Variants in ANKRD17 observed in about 807,000 individuals in gnomAD.
ANKRD17 encodes the protein ankyrin repeat domain 17, also known as ankyrin repeat domain-containing protein 17.
In ANKRD17, 19 loss-of-function variants were observed where a neutral mutation model predicts 229.7. The observed-to-expected ratio is 0.08, with a 90% CI of 0.06 to 0.12. The LOEUF (loss-of-function observed/expected upper bound fraction) is 0.12. Among genes scored for constraint, ANKRD17 ranks in the 10% least tolerant of loss-of-function variants. ANKRD17 has a pLI of 1.00. For missense variants in ANKRD17, 2,176 were observed against 3,176.8 expected, an observed-to-expected ratio of 0.68 and a Z score of 7.57; for synonymous variants, 1,112 against 1,146.1, an observed-to-expected ratio of 0.97 and a Z score of 0.60.
At chr4:73,215,080 G>C (rs1008537602) in intron 1 of ANKRD17, among the ~76,000 whole-genome samples, 1 of 152,034 alleles carries the variant, frequency 6.6e-6, no homozygotes. Context: ...TAATTTGGCA[G>C]ACATTTTCTC....
At position 73,091,040 on chromosome 4, in the gene ANKRD17, T is replaced by C. The variant is rs148812473; in HGVS notation, c.6588A>G (p.Gln2196=). The part of the protein sequence containing the change: ...TAPHKNSASV[Q]NSSVAVLSVN... The stretch of plus-strand genomic sequence containing the variant: ...CACTGAGGACTGCAACAGATGAATT[T>C]TGCACTGAAGCTGAATTCTTGTGAG... The change falls in exon 29 of 34, where the codon CAA becomes CAG. Residue 2196 remains glutamine, a synonymous_variant. Transcript: ENST00000358602. The C allele has an allele frequency of 1.4e-3, 2,247 of 1,614,204 alleles. 16 individuals carry two copies. The highest frequency in any genetic ancestry group is 0.011 in the South Asian group (1,016 of 91,080).
At chr4:73,245,767 G>T (rs1236275948) in intron 1 of ANKRD17, among the ~76,000 whole-genome samples, 1 of 152,144 alleles carries the variant, frequency 6.6e-6, no homozygotes, top group Non-Finnish European at 1.5e-5. Flanking sequence ...AAGGGAGAGA[G>T]GAGCTAGCCT....
At chr4:73,246,019 C>A (rs1744467480) in intron 1 of ANKRD17, among the ~76,000 whole-genome samples, 1 of 152,126 alleles carries the variant, frequency 6.6e-6, no homozygotes, top group Admixed American at 6.5e-5. Context: ...AAAAGTTGTA[C>A]ACTTCCTAGG....
At chr4:73,101,234 C>G (rs1241692080) in intron 25 of ANKRD17, 2 of 972,294 alleles carry the variant, frequency 2.1e-6, no homozygotes, top group Non-Finnish European at 2.4e-6. Flanking sequence ...TTGATTATAA[C>G]CTAGTTAAAA....
chr4:73,208,188 C>CAAAAAAAA (rs36126530), intron 1 of ANKRD17, among the ~76,000 whole-genome samples: 1 of 67,958 alleles, frequency 1.5e-5, no homozygotes, highest in Non-Finnish European at 2.7e-5. Flanking sequence ...GACTCCGTCT[C>CAAAAAAAA]AAAAAAAAAA....
rs1167196758 is a variant in ANKRD17 at position 73,177,427 on chromosome 4, A to G, written c.500T>C (p.Val167Ala). The G allele has an allele frequency of 6.2e-7, 1 of 1,612,338 alleles. No homozygotes were observed. The highest frequency in any genetic ancestry group is 8.5e-7 in the Non-Finnish European group (1 of 1,178,870). The change falls in exon 2 of 34, where the codon GTA becomes GCA. Residue 167 changes from valine (V) to alanine (A), a missense_variant. Around this residue, in one of 18 missense-constraint regions of ANKRD17, gnomAD observed 184 missense variants for 357.8 expected, o/e 0.51. Coordinates refer to ENST00000358602, the MANE Select transcript of ANKRD17 (RefSeq NM_032217.5). ...CAGTCTAGCCTGTGTTTCTGGATCT[A>G]CTGTCCTGAGGTCTGCACCATCAGC... Reference protein sequence around the residue: ...GTADGADLRTVDPETQARLEA... With the variant: ...GTADGADLRTADPETQARLEA...
intron 2 of ANKRD17, among the ~76,000 whole-genome samples, chr4:73,164,994 C>T (rs909132206): frequency 4.6e-5 from 7 of 151,512 alleles, no homozygotes; most frequent in East Asian, 1.9e-4. Flanking sequence ...TAATTGAATG[C>T]GTAATTATGT....
chr4:73,156,257 T>C, intron 3 of ANKRD17, 91 bp from the exon 4 acceptor site: 5 of 1,445,668 alleles, frequency 3.5e-6, no homozygotes, highest in Non-Finnish European at 4.6e-6. Context: ...TTGTTTTTTG[T>C]TGTTTAGAAA....
At chr4:73,081,749 T>C (rs1443836896) in intron 30 of ANKRD17, among the ~76,000 whole-genome samples, 1 of 152,200 alleles carries the variant, frequency 6.6e-6, no homozygotes, top group Non-Finnish European at 1.5e-5. Flanking sequence ...TGAAGTGGCC[T>C]AAGGATTTAA....
chr4:73,177,618 G>T (rs940931874), intron 1 of ANKRD17, 85 bp from the exon 2 acceptor site: 19 of 1,066,506 alleles, frequency 1.8e-5, no homozygotes, highest in Non-Finnish European at 2.3e-5. Flanking sequence ...AGAAAGCAGG[G>T]GAGGGAAAAA....
In ANKRD17 at chr4:73,100,977, A is replaced by G. The variant is rs562702431; in HGVS notation, c.4573+1399T>C. ...ATTGAAAGTATTCAAAAAACAAAAC[A>G]AAAAACAAATACGAATTTAAAAAAT... is the stretch of plus-strand genomic sequence containing the variant. On this transcript the variant is annotated intron_variant, in intron 25 of 33. Coordinates refer to ENST00000358602, the MANE Select transcript of ANKRD17 (RefSeq NM_032217.5). The G allele has an allele frequency of 3.0e-6, 3 of 984,608 alleles. No individual in the cohort carries two copies. In the South Asian group the frequency reaches 1.4e-4, roughly 46 times the overall value. 61.0% of individuals were successfully genotyped at this position (984,608 alleles called of 1,614,324 possible).
Position 73,090,759 on chromosome 4 carries a change from TATG to T in ANKRD17, c.6866_6868del (p.Ser2289del). The T allele has an allele frequency of 1.2e-6, 2 of 1,614,084 alleles. No homozygotes were observed. The highest frequency in any genetic ancestry group is 1.7e-6 in the Non-Finnish European group (2 of 1,180,012). On this transcript the variant is annotated inframe_deletion, in exon 29 of 34. Coordinates refer to ENST00000358602, the MANE Select transcript of ANKRD17 (RefSeq NM_032217.5). ...ATGTAAAGGATCTGAATTTGGCAAA[TATG>T]AGGATTTTCCTGATAGCATAGATTC...
chr4:73,143,429 C>T (rs1047436230), intron 11 of ANKRD17, among the ~76,000 whole-genome samples: 2 of 152,190 alleles, frequency 1.3e-5, no homozygotes, highest in African/African-American at 4.8e-5. Flanking sequence ...TGCACCTGAC[C>T]TCTATCCCTA....
At chr4:73,212,469 T>C (rs1310069944) in intron 1 of ANKRD17, among the ~76,000 whole-genome samples, 1 of 152,196 alleles carries the variant, frequency 6.6e-6, no homozygotes, top group Non-Finnish European at 1.5e-5. Context: ...TAGGGCTTAA[T>C]CTTAACATTC....
At chr4:73,250,589 C>CAAAAAAAAAAAAAAAAAAAAAAAAAAAAA (rs35160047) in intron 1 of ANKRD17, among the ~76,000 whole-genome samples, 1 of 29,408 alleles carries the variant, frequency 3.4e-5, no homozygotes, top group Non-Finnish European at 5.5e-5. Flanking sequence ...GACCTTGTCT[C>CAAAAAAAAAAAAAAAAAAAAAAAAAAAAA]AAAAAAAAAA....
intron 24 of ANKRD17, among the ~76,000 whole-genome samples, chr4:73,110,011 C>CA (rs1175850592): frequency 0.31 from 10,382 of 33,144 alleles, 3,020 homozygotes; most frequent in Non-Finnish European, 0.42. Context: ...AAAAGTTTAC[C>CA]AAAAAAAAAA....
intron 30 of ANKRD17, among the ~76,000 whole-genome samples, chr4:73,083,101 G>A (rs1338571408): frequency 6.6e-6 from 1 of 152,158 alleles, no homozygotes; most frequent in Non-Finnish European, 1.5e-5. Context: ...AGTTTAATTG[G>A]TGAATCTGGG....
chr4:73,105,550 G>A (rs1724511849), intron 24 of ANKRD17, among the ~76,000 whole-genome samples: 1 of 151,762 alleles, frequency 6.6e-6, no homozygotes, highest in African/African-American at 2.4e-5. Context: ...AAAAGTGGTG[G>A]GCATCAATAA....
chr4:73,219,282 T>C (rs1741541682), intron 1 of ANKRD17, among the ~76,000 whole-genome samples: 1 of 152,230 alleles, frequency 6.6e-6, no homozygotes, highest in African/African-American at 2.4e-5. Context: ...CTTACTGGTA[T>C]AGTATAGAAA....
Sources: allele counts gnomAD v4.1 joint callset (sites outside exome capture counted in the v4.1 genomes callset), GRCh38; gene constraint gnomAD v4.1.1; regional missense constraint gnomAD v4.1.1; transcripts MANE v1.5; gene names NCBI Gene and HGNC (gene_info 2026-07-23, HGNC 2026-07-21).